Variants in SPTA1 observed in about 807,000 individuals in gnomAD.
SPTA1 encodes the protein spectrin alpha chain, erythrocytic 1.
Under a neutral mutation model 324.7 loss-of-function variants are expected in SPTA1, and 177 were observed. The observed-to-expected ratio is 0.55, with a 90% CI of 0.48 to 0.62. The LOEUF (loss-of-function observed/expected upper bound fraction) is 0.62, where lower values mean the gene tolerates loss of function less well. Among genes scored for constraint, SPTA1 ranks in the 20% least tolerant of loss-of-function variants. SPTA1 has a pLI of 0.00. For missense variants in SPTA1, 3,162 were observed against 2,883.6 expected, an observed-to-expected ratio of 1.10 and a Z score of -2.21; for synonymous variants, 1,195 against 1,041.3, an observed-to-expected ratio of 1.15 and a Z score of -2.84.
At chr1:158,656,346 T>G (rs1458823344) in intron 20 of SPTA1, among the ~76,000 whole-genome samples, 1 of 152,210 alleles carries the variant, frequency 6.6e-6, no homozygotes, top group East Asian at 1.9e-4. Flanking sequence ...AATACATCAA[T>G]GAAGACATGA....
rs1169073495 is a variant in SPTA1, at chr1:158,645,500, G to A, written c.3991C>T (p.His1331Tyr). The A allele has an allele frequency of 2.5e-6, 4 of 1,613,978 alleles. No homozygotes were observed. The African/African-American group carries it at 5.3e-5, about 22-fold the overall frequency. The change falls in exon 28 of 52, where the codon CAT becomes TAT. Residue 1331 changes from histidine to tyrosine, a missense_variant. Transcript: ENST00000643759. ...TGTGACTTTTGTAGTTTTACCTGAT[G>A]TCTCTCCAGCAAGATCTCTATGCCA... ...LTGIEILLER[H>Y]QEHRADMEAE...
chr1:158,662,695 T>A lies in SPTA1; in HGVS notation c.2464+7A>T, dbSNP rs771274968. ...CTAGTGGCTCAGCCTGCTCAGGCTG[T>A]ACTAACCAAGGTAGGTGGAAGTAGC... On this transcript the variant is annotated splice_region_variant and intron_variant, in intron 17 of 51. Transcript: ENST00000643759. The A allele has an allele frequency of 6.2e-7, 1 of 1,613,708 alleles. No individual in the cohort carries two copies. Among genetic ancestry groups the A allele is most frequent in the Non-Finnish European group, 8.5e-7 (1 of 1,179,934 alleles).
At chr1:158,683,693 A>C (rs1654970583) in intron 2 of SPTA1, among the ~76,000 whole-genome samples, 197 bp from the exon 3 acceptor site, 1 of 152,148 alleles carries the variant, frequency 6.6e-6, no homozygotes, top group Admixed American at 6.6e-5. Flanking sequence ...CTTATGATCT[A>C]TGCCGAGCCT....
intron 26 of SPTA1, among the ~76,000 whole-genome samples, chr1:158,648,182 T>C (rs1161601524): frequency 6.6e-6 from 1 of 152,166 alleles, no homozygotes. Context: ...ATCCTGGGTA[T>C]GGACATTTGC....
intron 18 of SPTA1, among the ~76,000 whole-genome samples, chr1:158,659,595 A>ATTATTATTTTTTTTTTTTTTT (rs1345384278): frequency 5.8e-5 from 4 of 68,780 alleles, no homozygotes; most frequent in South Asian, 9.1e-4. Context: ...TCTTAGCATT[A>ATTATTATTTTTTTTTTTTTTT]TTTTTTTTTT....
chr1:158,614,188 A>G, intron 49 of SPTA1, 65 bp downstream of exon 49: 2 of 1,265,940 alleles, frequency 1.6e-6, no homozygotes, highest in Non-Finnish European at 2.3e-6. Context: ...GAGAAACATT[A>G]TTTGTAGACT....
chr1:158,622,776 T>C lies in SPTA1; in HGVS notation c.6120+207A>G. Reference sequence around the variant, plus strand: ...TTGCCTGGCTTCCATCTCAAGTTAGTTATGCAACTAATCAATCAATCTAAA... The same window carrying C: ...TTGCCTGGCTTCCATCTCAAGTTAGCTATGCAACTAATCAATCAATCTAAA... On this transcript the variant is annotated intron_variant, in intron 43 of 51. Coordinates refer to ENST00000643759, the MANE Select transcript of SPTA1 (RefSeq NM_003126.4). The C allele has an allele frequency of 5.6e-6, 3 of 536,632 alleles. 1 individual carries two copies. Among genetic ancestry groups the C allele is most frequent in the Non-Finnish European group, 6.7e-6 (2 of 300,194 alleles). 33.2% of individuals were successfully genotyped at this position (536,632 alleles called of 1,614,324 possible).
At position 158,642,820 on chromosome 1, in the gene SPTA1, G is replaced by A. The variant is rs1651708113; in HGVS notation, c.4599C>T (p.Asn1533=). 6.2e-7 allele frequency: 1 copy of A among 1,613,720 alleles called. No homozygotes were observed. Among genetic ancestry groups the A allele is most frequent in the South Asian group, 1.1e-5 (1 of 91,064 alleles). ...ATTCCTATTTTGAACTTGCCTGAATGTTAGTGGCGTCTTTGTAGGATTCAT... is the reference window on the plus strand; with the variant it reads ...ATTCCTATTTTGAACTTGCCTGAATATTAGTGGCGTCTTTGTAGGATTCAT... ...ACDESYKDAT[N]IQRKYLKHQT... The change falls in exon 32 of 52, where the codon AAC becomes AAT. Residue 1533 remains asparagine (N), a synonymous_variant. Transcript: ENST00000643759.
At chr1:158,677,938 C>A (rs1664329962) in intron 6 of SPTA1, 104 bp from the exon 7 acceptor site, 1 of 1,419,292 alleles carries the variant, frequency 7.0e-7, no homozygotes, top group South Asian at 1.2e-5. Flanking sequence ...GACCCAGGAG[C>A]AATTATCCTT....
At position 158,672,066 on chromosome 1, in the gene SPTA1, C is replaced by T. The variant is rs776835034; in HGVS notation, c.1481G>A (p.Arg494Lys). The change falls in exon 11 of 52, where the codon AGA becomes AAA. Residue 494 changes from arginine to lysine, a missense_variant. Transcript: ENST00000643759. Reference sequence around the variant, plus strand: ...ATGGACCCCTCCCGTTACCTCTTGTCTACTCATCCAACTGTCCACTTGCTC... The same window carrying T: ...ATGGACCCCTCCCGTTACCTCTTGTTTACTCATCCAACTGTCCACTTGCTC... ...DSEQVDSWMS[R>K]QEAFLENEDL... 5.5e-5 allele frequency: 89 copies of T among 1,613,840 alleles called. No individual in the cohort carries two copies. The highest frequency in any genetic ancestry group is 7.4e-5 in the Non-Finnish European group (87 of 1,179,944).
chr1:158,628,676 A>C (rs557962075), intron 39 of SPTA1, among the ~76,000 whole-genome samples: 4 of 152,162 alleles, frequency 2.6e-5, no homozygotes, highest in Non-Finnish European at 5.9e-5. Flanking sequence ...TGTATACTGC[A>C]TGAAATAAAG....
chr1:158,636,120 C>T, intron 37 of SPTA1, 86 bp from the exon 38 acceptor site: 1 of 1,609,116 alleles, frequency 6.2e-7, no homozygotes, highest in Non-Finnish European at 8.5e-7. Flanking sequence ...TCTAGCCCAT[C>T]CTACCCTCCA....
At chr1:158,645,449 A>G (rs754040211) in intron 28 of SPTA1, 46 bp downstream of exon 28, 1 of 1,613,850 alleles carries the variant, frequency 6.2e-7, no homozygotes, top group South Asian at 1.1e-5. Flanking sequence ...AAATTAGTAG[A>G]GGTTTCAGGT....
chr1:158,636,102 G>A, intron 37 of SPTA1, 68 bp from the exon 38 acceptor site: 4 of 1,613,352 alleles, frequency 2.5e-6, no homozygotes, highest in Non-Finnish European at 3.4e-6. Context: ...TAGTCCCTGA[G>A]CAAAGTATCT....
intron 39 of SPTA1, 76 bp from the exon 40 acceptor site, chr1:158,627,799 G>T (rs924331214): frequency 2.9e-6 from 4 of 1,394,518 alleles, no homozygotes; most frequent in Non-Finnish European, 2.0e-6. Flanking sequence ...AGACTCACGG[G>T]TCTATTATTC....
chr1:158,631,504 T>C (rs868384951), intron 39 of SPTA1, among the ~76,000 whole-genome samples: 18 of 152,130 alleles, frequency 1.2e-4, no homozygotes, highest in African/African-American at 4.3e-4. Flanking sequence ...TTGGATATAG[T>C]GCACACTGCT....
chr1:158,669,627 A>G, intron 13 of SPTA1, 64 bp from the exon 14 acceptor site: 1 of 1,613,964 alleles, frequency 6.2e-7, no homozygotes, highest in Middle Eastern at 1.6e-4. Flanking sequence ...AGATTCGCTG[A>G]CCACCCTGGT....
intron 39 of SPTA1, among the ~76,000 whole-genome samples, chr1:158,632,876 G>A (rs1650781081): frequency 6.6e-6 from 1 of 151,566 alleles, no homozygotes; most frequent in African/African-American, 2.4e-5. Flanking sequence ...ATCTGTGCAT[G>A]AATATTTATA....
intron 33 of SPTA1, among the ~76,000 whole-genome samples, chr1:158,641,734 T>C (rs989307285): frequency 4.6e-5 from 7 of 152,156 alleles, no homozygotes; most frequent in African/African-American, 7.2e-5. Flanking sequence ...GGTTCAACCA[T>C]TGGGGAAGAC....
Sources: allele counts gnomAD v4.1 joint callset (sites outside exome capture counted in the v4.1 genomes callset), GRCh38; gene constraint gnomAD v4.1.1; transcripts MANE v1.5; gene names NCBI Gene and HGNC (gene_info 2026-07-23, HGNC 2026-07-21).